Variants in DYDC1 observed in about 807,000 individuals in gnomAD.
The protein encoded by DYDC1 is DPY30 domain-containing protein 1.
DYDC1 carries 21 observed loss-of-function variants against 27.9 expected under a neutral mutation model. That is an observed-to-expected ratio of 0.75 (90% CI 0.53 to 1.08). The LOEUF (loss-of-function observed/expected upper bound fraction) is 1.08, where lower values mean the gene tolerates loss of function less well. Ranked by LOEUF, DYDC1 falls within the 50% of genes least tolerant of loss-of-function variation. DYDC1 has a pLI of 0.00. For synonymous variants in DYDC1, 67 were observed against 65.8 expected (o/e 1.02, Z -0.09); for missense variants, 202 against 205.9 (o/e 0.98, Z 0.12).
At chr10:80,338,252 G>T (rs1842199315) in intron 6 of DYDC1, 1 of 985,318 alleles carries the variant, frequency 1.0e-6, no homozygotes. Flanking sequence ...CAGATACGGA[G>T]ATATAGATAA....
chr10:80,343,097 A>G (rs1238840562), intron 3 of DYDC1, among the ~76,000 whole-genome samples: 1 of 152,216 alleles, frequency 6.6e-6, no homozygotes, highest in Non-Finnish European at 1.5e-5. Flanking sequence ...GGGTTCAGCA[A>G]TAAAGCCTGT....
chr10:80,345,955 C>T (rs1227393136), intron 3 of DYDC1, among the ~76,000 whole-genome samples: 3 of 152,142 alleles, frequency 2.0e-5, no homozygotes, highest in Non-Finnish European at 4.4e-5. Context: ...AATCCTCCCA[C>T]CTCAGCTTCC....
chr10:80,339,125 A>T lies in DYDC1; in HGVS notation c.371T>A (p.Val124Asp), dbSNP rs35605779. 10,729 of 1,376,804 alleles carry T rather than the reference A, an allele frequency of 7.8e-3. 65 individuals carry two copies. Among genetic ancestry groups the T allele is most frequent in the Non-Finnish European group, 8.9e-3 (9,115 of 1,020,190 alleles). 85.3% of individuals were successfully genotyped at this position (1,376,804 alleles called of 1,614,324 possible). ...KEMRMNMENL[V>D]RNEDILHSEE... is the part of the protein sequence containing the mutation. ...TGAATGTAGAATATCTTCATTCCTAACTAGATTTTCCATATTCATTCTCAT... is the reference window on the plus strand; with the variant it reads ...TGAATGTAGAATATCTTCATTCCTATCTAGATTTTCCATATTCATTCTCAT... Residue 124 changes from valine (V) to aspartate (D), a missense_variant, in exon 5 of 7, where the codon GTT becomes GAT. Coordinates refer to ENST00000372202, the MANE Select transcript of DYDC1 (RefSeq NM_001269053.2).
At chr10:80,345,643 A>G (rs1348458865) in intron 3 of DYDC1, among the ~76,000 whole-genome samples, 2 of 151,686 alleles carry the variant, frequency 1.3e-5, no homozygotes, top group African/African-American at 4.8e-5. Context: ...TTATGTATTC[A>G]ACATTTTTTT....
At chr10:80,339,384 T>C (rs1842241468) in intron 4 of DYDC1, among the ~76,000 whole-genome samples, 1 of 152,082 alleles carries the variant, frequency 6.6e-6, no homozygotes, top group Admixed American at 6.5e-5. Flanking sequence ...TAAATAAAAG[T>C]TTTTTAAAAA....
At chr10:80,339,190 T>C in intron 4 of DYDC1, 37 bp from the exon 5 acceptor site, 1 of 902,152 alleles carries the variant, frequency 1.1e-6, no homozygotes, top group Non-Finnish European at 1.6e-6. Context: ...ACTTTGAATA[T>C]ACTCCATTTT....
chr10:80,342,420 AT>A, intron 3 of DYDC1, 59 bp from the exon 4 acceptor site: 9 of 1,533,374 alleles, frequency 5.9e-6, no homozygotes, highest in Non-Finnish European at 8.1e-6. Context: ...AATTAAGTTT[AT>A]ACCCACCTTC....
At chr10:80,354,478 C>A in intron 1 of DYDC1, 2 of 125,062 alleles carry the variant, frequency 1.6e-5, no homozygotes. Context: ...AAGAGTGAAA[C>A]TTCGTCTCAA....
intron 1 of DYDC1, among the ~76,000 whole-genome samples, chr10:80,354,031 G>C (rs1843179729): frequency 6.7e-6 from 1 of 149,550 alleles, no homozygotes; most frequent in Non-Finnish European, 1.5e-5. Context: ...CAGGAGAATG[G>C]GGTGAACCTG....
rs777396238 is a variant in DYDC1, at chr10:80,352,016, A to G, written c.148-14T>C. 13 of 1,612,090 alleles carry G rather than the reference A, an allele frequency of 8.1e-6. No homozygotes were observed. In the South Asian group the frequency reaches 1.3e-4, roughly 16 times the overall value. Reference sequence around the variant, plus strand: ...TTCCTTTTGTCTCTAGCATTGTTTAAAAACAACAGCACACGACTTCTTAGC... The same window carrying G: ...TTCCTTTTGTCTCTAGCATTGTTTAGAAACAACAGCACACGACTTCTTAGC... On this transcript the variant is annotated splice_polypyrimidine_tract_variant and intron_variant, in intron 2 of 6. Transcript: ENST00000372202.
At chr10:80,347,133 TA>T (rs1842694903) in intron 3 of DYDC1, among the ~76,000 whole-genome samples, 1 of 151,960 alleles carries the variant, frequency 6.6e-6, no homozygotes, top group South Asian at 2.1e-4. Context: ...TGGTATCTCA[TA>T]GTGGTTTTGA....
intron 2 of DYDC1, 90 bp downstream of exon 2, chr10:80,352,365 A>G (rs888587778): frequency 7.3e-7 from 1 of 1,369,104 alleles, no homozygotes; most frequent in African/African-American, 1.5e-5. Context: ...TTTTTATAAC[A>G]GAAAAATAAT....
At chr10:80,344,174 A>C (rs1156743629) in intron 3 of DYDC1, among the ~76,000 whole-genome samples, 1 of 152,244 alleles carries the variant, frequency 6.6e-6, no homozygotes, top group East Asian at 1.9e-4. Flanking sequence ...ACAAAAATTA[A>C]AAATGAAAAT....
At chr10:80,350,564 A>C (rs1443836820) in intron 3 of DYDC1, among the ~76,000 whole-genome samples, 1 of 152,218 alleles carries the variant, frequency 6.6e-6, no homozygotes, top group Non-Finnish European at 1.5e-5. Context: ...CAGAAGGAGT[A>C]GAGTTTTCAA....
intron 6 of DYDC1, 62 bp from the exon 7 acceptor site, chr10:80,336,247 C>A: frequency 6.7e-7 from 1 of 1,498,854 alleles, no homozygotes; most frequent in Non-Finnish European, 8.8e-7. Flanking sequence ...AAGGCACAAG[C>A]CAAAGAAATA....
intron 3 of DYDC1, among the ~76,000 whole-genome samples, chr10:80,346,511 A>G (rs575095730): frequency 4.9e-5 from 6 of 122,392 alleles, no homozygotes; most frequent in Non-Finnish European, 9.5e-5. Flanking sequence ...CCCAGGCTGG[A>G]GTGCAGTGGC....
Position 80,352,484 on chromosome 10 carries a change from A to G in DYDC1, c.118T>C (p.Tyr40His), listed in dbSNP as rs1231639233. ...IEYLALWIYK[Y>H]KENVTMEQLR... ...TGTTCCATGGTCACATTTTCCTTAT[A>G]CTTGTAAATCCACAATGCTAAATAT... Residue 40 changes from tyrosine to histidine, a missense_variant, in exon 2 of 7, where the codon TAT (tyrosine) becomes CAT (histidine). Transcript: ENST00000372202. The G allele has an allele frequency of 3.7e-6, 6 of 1,610,736 alleles. No individual in the cohort carries two copies. Among genetic ancestry groups the G allele is most frequent in the Non-Finnish European group, 5.1e-6 (6 of 1,178,768 alleles).
chr10:80,338,042 C>G, intron 6 of DYDC1: 1 of 978,614 alleles, frequency 1.0e-6, no homozygotes, highest in Non-Finnish European at 1.2e-6. Context: ...GGCACAGTGC[C>G]TGGCATATGG....
chr10:80,355,986 T>TAA (rs370903702), intron 1 of DYDC1, among the ~76,000 whole-genome samples: 16,346 of 118,666 alleles, frequency 0.14, 1,109 homozygotes, highest in South Asian at 0.27. Context: ...GAAGTGAAGT[T>TAA]AAAAAAAAAA....
Sources: allele counts gnomAD v4.1 joint callset (sites outside exome capture counted in the v4.1 genomes callset), GRCh38; gene constraint gnomAD v4.1.1; transcripts MANE v1.5; gene names NCBI Gene and HGNC (gene_info 2026-07-23, HGNC 2026-07-21).